The following UGT1A4 variants were observed in gnomAD, a reference collection of about 807,000 sequenced individuals.
UGT1A4 encodes UDP-glucuronosyltransferase 1A4.
UGT1A4 carries 32 observed loss-of-function variants against 41.1 expected under a neutral mutation model. The ratio of observed to expected loss-of-function variants is 0.78; its 90% CI spans 0.59 to 1.05. The LOEUF is 1.05. Ranked by LOEUF, UGT1A4 falls within the 50% of genes least tolerant of loss-of-function variation. The pLI, the probability that UGT1A4 is intolerant of heterozygous loss-of-function variation, is 0.00. For synonymous variants in UGT1A4, 283 were observed against 265.1 expected, an observed-to-expected ratio of 1.07 and a Z score of -0.66; for missense variants, 748 against 677.4, an observed-to-expected ratio of 1.10 and a Z score of -1.16.
At chr2:233,755,059 C>G (rs773771831) in intron 1 of UGT1A4, 6 of 1,335,122 alleles carry the variant, frequency 4.5e-6, no homozygotes, top group Admixed American at 3.8e-5. Context: ...TCCGCCCTCG[C>G]CTCGCCATAG....
At chr2:233,733,976 G>A (rs1421347211) in intron 1 of UGT1A4, among the ~76,000 whole-genome samples, 2 of 152,086 alleles carry the variant, frequency 1.3e-5, no homozygotes, top group Non-Finnish European at 2.9e-5. Context: ...GGAGCGGGGA[G>A]GGATAGCATT....
intron 1 of UGT1A4, among the ~76,000 whole-genome samples, chr2:233,746,990 A>G (rs971804174): frequency 6.6e-6 from 1 of 151,860 alleles, no homozygotes. Context: ...GCAGGGTCAG[A>G]TGAGTTTTTC....
chr2:233,727,005 A>G (rs937597843), intron 1 of UGT1A4, among the ~76,000 whole-genome samples: 3 of 152,154 alleles, frequency 2.0e-5, no homozygotes, highest in African/African-American at 7.2e-5. Context: ...GCAAAGTTTT[A>G]TCATTTGTTG....
At chr2:233,757,935 C>T (rs12052787) in intron 1 of UGT1A4, among the ~76,000 whole-genome samples, 10,310 of 152,142 alleles carry the variant, frequency 0.068, 485 homozygotes, top group East Asian at 0.2. Flanking sequence ...CAAAGCAAGA[C>T]CATCATATTG....
At position 233,719,024 on chromosome 2, in the gene UGT1A4, C is replaced by T. The variant is rs2076714368; in HGVS notation, c.204C>T (p.His68=). The change falls in exon 1 of 5, where the codon CAC becomes CAT. Residue 68 remains histidine (H), a synonymous_variant. Transcript: ENST00000373409. ...TCCTCACCCCAGAGGTGAATATGCA[C>T]ATCAAAGAAGAGAAATTTTTCACCC... ...AVVLTPEVNM[H]IKEEKFFTLT... The T allele has an allele frequency of 1.2e-6, 2 of 1,614,250 alleles. No homozygotes were observed. The highest frequency in any genetic ancestry group is 8.5e-7 in the Non-Finnish European group (1 of 1,180,040).
intron 1 of UGT1A4, among the ~76,000 whole-genome samples, chr2:233,721,134 G>T (rs929528058): frequency 6.6e-6 from 1 of 152,014 alleles, no homozygotes; most frequent in East Asian, 1.9e-4. Context: ...ATTAGTGTAG[G>T]TATTATTGCA....
Position 233,719,094 on chromosome 2 carries a change from G to T in UGT1A4, c.274G>T (p.Val92Phe). 4.3e-6 allele frequency: 7 copies of T among 1,614,206 alleles called. No homozygotes were observed. Among genetic ancestry groups the T allele is most frequent in the Non-Finnish European group, 5.9e-6 (7 of 1,180,038 alleles). Residue 92 changes from valine to phenylalanine, a missense_variant, in exon 1 of 5, where the codon GTT becomes TTT. By Grantham distance (50) the Val-to-Phe change is conservative. Coordinates refer to ENST00000373409, the MANE Select transcript of UGT1A4 (RefSeq NM_007120.3). Reference sequence around the variant, plus strand: ...ATGGACCCAGAAGGAATTTGATCGCGTTACGCTGGGCTACACTCAAGGGTT... The same window carrying T: ...ATGGACCCAGAAGGAATTTGATCGCTTTACGCTGGGCTACACTCAAGGGTT... Reference protein sequence around the residue: ...VPWTQKEFDRVTLGYTQGFFE... With the variant: ...VPWTQKEFDRFTLGYTQGFFE...
At chr2:233,754,553 C>G (rs139007444) in intron 1 of UGT1A4, 1 of 387,854 alleles carries the variant, frequency 2.6e-6, no homozygotes, top group Non-Finnish European at 5.1e-6. Context: ...TACTTGGTGT[C>G]AATGGGGAGC....
In UGT1A4 at chr2:233,747,480, G is replaced by C. The variant is rs1693691129; in HGVS notation, c.868-19554G>C. On this transcript the variant is annotated intron_variant, in intron 1 of 4. Transcript: ENST00000373409. ...CATTTCATGGACCCAGGATGAATTT[G>C]ATCGCCTTGTGCTGGGCCACACTCA... is the stretch of plus-strand genomic sequence containing the variant. 6 of 1,608,868 alleles carry C rather than the reference G, an allele frequency of 3.7e-6. No homozygotes were observed. The South Asian group carries it at 5.5e-5, about 15-fold the overall frequency.
chr2:233,735,695 G>A (rs1439239319), intron 1 of UGT1A4, among the ~76,000 whole-genome samples: 1 of 151,962 alleles, frequency 6.6e-6, no homozygotes, highest in Non-Finnish European at 1.5e-5. Flanking sequence ...GCTCTTGTAA[G>A]GCAGGCCTGG....
intron 1 of UGT1A4, among the ~76,000 whole-genome samples, chr2:233,739,992 T>C (rs772368489): frequency 2.0e-5 from 3 of 151,936 alleles, no homozygotes; most frequent in Non-Finnish European, 2.9e-5. Context: ...CATGCTGTTC[T>C]TGTCATACTA....
At chr2:233,744,012 G>A (rs541267003) in intron 1 of UGT1A4, 46 of 1,089,708 alleles carry the variant, frequency 4.2e-5, no homozygotes, top group Non-Finnish European at 4.8e-5. Context: ...GACCTGGGCC[G>A]CCTGGAGAGA....
intron 1 of UGT1A4, chr2:233,747,659 T>C: frequency 1.9e-6 from 3 of 1,599,022 alleles, no homozygotes; most frequent in Non-Finnish European, 2.6e-6. Flanking sequence ...TCGATGTGGT[T>C]TTAATAGACC....
At chr2:233,728,608 G>C (rs535590480) in intron 1 of UGT1A4, among the ~76,000 whole-genome samples, 2 of 152,172 alleles carry the variant, frequency 1.3e-5, no homozygotes, top group South Asian at 2.1e-4. Context: ...CAGCCTCCAC[G>C]CTGTTCAGAG....
Position 233,747,571 on chromosome 2 carries a change from C to A in UGT1A4, c.868-19463C>A, listed in dbSNP as rs1265322590. The A allele has an allele frequency of 7.6e-6, 12 of 1,588,364 alleles. No individual in the cohort carries two copies. In the African/African-American group the frequency reaches 1.4e-4, roughly 18 times the overall value. ...AAAAGTATGGCAATTTTGAAAAATT[C>A]ATCTTTGGTCTTTCATAGGTCTTGT... On this transcript the variant is annotated intron_variant, in intron 1 of 4. Coordinates refer to ENST00000373409, the MANE Select transcript of UGT1A4 (RefSeq NM_007120.3).
chr2:233,729,866 A>G (rs1305518931), intron 1 of UGT1A4: 3 of 1,613,610 alleles, frequency 1.9e-6, no homozygotes, highest in South Asian at 2.2e-5. Context: ...TCAGTGGTGG[A>G]TATTCTCAGT....
intron 1 of UGT1A4, chr2:233,742,068 T>A (rs185159129): frequency 2.0e-5 from 3 of 151,914 alleles, no homozygotes; most frequent in African/African-American, 7.3e-5. Context: ...TGTGGCCTTA[T>A]GGAGATCCTT....
intron 1 of UGT1A4, among the ~76,000 whole-genome samples, chr2:233,724,966 G>A (rs1480944004): frequency 1.5e-5 from 2 of 135,640 alleles, no homozygotes; most frequent in South Asian, 2.5e-4. Flanking sequence ...GGAGGCCGAG[G>A]TTGGCGGATC....
chr2:233,725,058 G>A (rs1228937957), intron 1 of UGT1A4, among the ~76,000 whole-genome samples: 11 of 147,492 alleles, frequency 7.5e-5, no homozygotes, highest in East Asian at 4.2e-4. Flanking sequence ...GTGGCGGCGC[G>A]CGCCTGCAAT....
Sources: gnomAD v4.1 joint callset for allele counts (sites outside exome capture counted in the v4.1 genomes callset) on GRCh38, gnomAD v4.1.1 for gene constraint, MANE v1.5 for transcripts, NCBI Gene and HGNC (gene_info 2026-07-23, HGNC 2026-07-21) for gene names.